The following NAB1 variants were observed in gnomAD, a reference collection of about 807,000 sequenced individuals.
NAB1 encodes the protein NGFI-A binding protein 1.
NAB1 carries 25 observed loss-of-function variants against 49.9 expected under a neutral mutation model. That is an observed-to-expected ratio of 0.50 (90% CI 0.37 to 0.70). The LOEUF is 0.70. NAB1 is among the 30% of genes least tolerant of loss of function. The pLI is 0.00. For missense variants in NAB1, 489 were observed against 575.9 expected, an observed-to-expected ratio of 0.85 and a Z score of 1.54; for synonymous variants, 198 against 215.6, an observed-to-expected ratio of 0.92 and a Z score of 0.71.
rs1039863163 is a variant in NAB1 at position 190,663,881 on chromosome 2, GTTTC to G, written c.819+3890_819+3893del. ...TTCTGACCATGTGTTATTTAAAAGTGTTTCTTTATTTCCAAATATGAGTAATTTT... is the reference window on the plus strand; with the variant it reads ...TTCTGACCATGTGTTATTTAAAAGTGTTTATTTCCAAATATGAGTAATTTT... On this transcript the variant is annotated intron_variant, in intron 4 of 9. Transcript: ENST00000337386. The surrounding 1 kb of genome is among the most constrained non-coding windows in gnomAD (Gnocchi z 4.2). 5.3e-5 allele frequency among the ~76,000 whole-genome samples: 8 copies of G among 152,068 alleles called. No homozygotes were observed. Among genetic ancestry groups the G allele is most frequent in the Admixed American group, 1.3e-4 (2 of 15,290 alleles).
intron 3 of NAB1, among the ~76,000 whole-genome samples, chr2:190,656,449 G>A (rs1693923387): frequency 1.3e-5 from 2 of 152,202 alleles, no homozygotes; most frequent in South Asian, 2.1e-4. Flanking sequence ...AAAAGCTTAG[G>A]AGGAGAACTC....
In NAB1 at chr2:190,675,312, A is replaced by G. The variant is rs1014767475; in HGVS notation, c.1005+2160A>G. On this transcript the variant is annotated intron_variant, in intron 6 of 9. Coordinates refer to ENST00000337386, the MANE Select transcript of NAB1 (RefSeq NM_005966.4). The surrounding 1 kb of genome is among the most constrained non-coding windows in gnomAD (Gnocchi z 5.2). ...TGTCTAGCTTTAGAGGTCACTAAAT[A>G]TTGAAATTTGTGATCATGAATCTCA... Among the ~76,000 whole-genome samples, 1 of 152,228 alleles carries G rather than the reference A, an allele frequency of 6.6e-6. No individual in the cohort carries two copies. Among genetic ancestry groups the G allele is most frequent in the African/African-American group, 2.4e-5 (1 of 41,460 alleles).
rs1326714724 is a variant in NAB1, at chr2:190,667,094, C to A, written c.820-3232C>A. On this transcript the variant is annotated intron_variant, in intron 4 of 9. Transcript: ENST00000337386. This position sits in a 1 kb window ranked among gnomAD's most constrained non-coding sequence, Gnocchi z 4.4. ...ACTTGGGGGTGAGCTAGAGTTACTT[C>A]TCCAGCCTCAGTTTTTTACCAGGTT... Among the ~76,000 whole-genome samples the A allele has an allele frequency of 6.6e-6, 1 of 152,186 alleles. No homozygotes were observed. Among genetic ancestry groups the A allele is most frequent in the East Asian group, 1.9e-4 (1 of 5,198 alleles).
At chr2:190,664,998 C>T (rs950874805) in intron 4 of NAB1, among the ~76,000 whole-genome samples, 4 of 152,032 alleles carry the variant, frequency 2.6e-5, no homozygotes, top group Admixed American at 6.6e-5. Context: ...TTCCTTCTAT[C>T]GAAAGCTCTT....
At chr2:190,688,461 A>G (rs556961536) in intron 9 of NAB1, among the ~76,000 whole-genome samples, 1 of 152,322 alleles carries the variant, frequency 6.6e-6, no homozygotes, top group South Asian at 2.1e-4. Context: ...AATAATGTCA[A>G]AGGGAGGTTG....
At position 190,691,086 on chromosome 2, in the gene NAB1, A is replaced by C. The variant is rs1695919759; in HGVS notation, c.*753A>C. 6.6e-6 allele frequency: 1 copy of C among 152,616 alleles called. No homozygotes were observed. Among genetic ancestry groups the C allele is most frequent in the African/African-American group, 2.4e-5 (1 of 41,472 alleles). The allele number at this position is 152,616 out of a possible 1,614,324, so 9.5% of individuals were successfully genotyped here. ...TATTAATAGCTACTTAAGATGTTTC[A>C]AAGATAGGAAGCTATTGCTTGGACA... On this transcript the variant is annotated 3_prime_UTR_variant, in exon 10 of 10. Transcript: ENST00000337386. This position sits in a 1 kb window ranked among gnomAD's most constrained non-coding sequence, Gnocchi z 4.1.
chr2:190,650,021 A>G (rs1477283236), intron 2 of NAB1, 39 bp downstream of exon 2: 2 of 152,198 alleles, frequency 1.3e-5, no homozygotes, highest in East Asian at 3.8e-4. Context: ...AACACTGAAA[A>G]TACTATCAAA....
intron 5 of NAB1, 140 bp from the exon 6 acceptor site, chr2:190,672,961 G>A (rs1260025854): frequency 1.4e-5 from 10 of 704,220 alleles, no homozygotes; most frequent in Admixed American, 2.8e-5. Flanking sequence ...TTATTTTAAT[G>A]ATCATTATGA....
chr2:190,671,563 T>A (rs1694806523), intron 5 of NAB1, among the ~76,000 whole-genome samples: 1 of 152,058 alleles, frequency 6.6e-6, no homozygotes, highest in South Asian at 2.1e-4. Context: ...TTATACACTA[T>A]TTTCTTTCTG....
chr2:190,665,826 C>T (rs1296623835), intron 4 of NAB1, among the ~76,000 whole-genome samples: 2 of 152,250 alleles, frequency 1.3e-5, no homozygotes, highest in Admixed American at 6.5e-5. Context: ...TCTTTGCATT[C>T]TCCTGGGGGT....
Position 190,659,200 on chromosome 2 carries a change from C to T in NAB1, c.24C>T (p.Thr8=), listed in dbSNP as rs780982109. The change falls in exon 4 of 10, where the codon ACC becomes ACT. Residue 8 remains threonine, a synonymous_variant. Coordinates refer to ENST00000337386, the MANE Select transcript of NAB1 (RefSeq NM_005966.4). This position sits in a 1 kb window ranked among gnomAD's most constrained non-coding sequence, Gnocchi z 6.2. MAAALPR[T]LGELQLYRIL... ...TAATGGCTGCGGCCTTACCCAGGAC[C>T]CTGGGGGAGTTGCAGCTGTATAGAA... is the stretch of plus-strand genomic sequence containing the variant. 9 of 1,613,384 alleles carry T rather than the reference C, an allele frequency of 5.6e-6. No homozygotes were observed. Among genetic ancestry groups the T allele is most frequent in the Non-Finnish European group, 7.6e-6 (9 of 1,179,842 alleles).
At position 190,652,927 on chromosome 2, in the gene NAB1, G is replaced by A. The variant is rs1267132744; in HGVS notation, c.-197+2945G>A. On this transcript the variant is annotated intron_variant, in intron 2 of 9. Transcript: ENST00000337386. This position sits in a 1 kb window ranked among gnomAD's most constrained non-coding sequence, Gnocchi z 4.2. Reference sequence around the variant, plus strand: ...AGCAAGCTTGTCCAACCCGAGGCCTGTGGTTGCATGCAGCCCAGGAGGGCT... The same window carrying A: ...AGCAAGCTTGTCCAACCCGAGGCCTATGGTTGCATGCAGCCCAGGAGGGCT... Among the ~76,000 whole-genome samples, 1 of 152,232 alleles carries A rather than the reference G, an allele frequency of 6.6e-6. No homozygotes were observed. The highest frequency in any genetic ancestry group is 2.4e-5 in the African/African-American group (1 of 41,448).
intron 4 of NAB1, among the ~76,000 whole-genome samples, chr2:190,661,811 T>A (rs1453031007): frequency 6.6e-6 from 1 of 152,222 alleles, no homozygotes; most frequent in Non-Finnish European, 1.5e-5. Flanking sequence ...TTCTTGTTAC[T>A]TGTACTCCAG....
At chr2:190,658,081 G>T (rs989443859) in intron 3 of NAB1, among the ~76,000 whole-genome samples, 1 of 152,204 alleles carries the variant, frequency 6.6e-6, no homozygotes, top group African/African-American at 2.4e-5. Context: ...AAGAGGTCAA[G>T]AAGTACTTTG....
intron 5 of NAB1, among the ~76,000 whole-genome samples, chr2:190,671,373 A>T (rs1694795741): frequency 6.6e-6 from 1 of 152,170 alleles, no homozygotes; most frequent in Non-Finnish European, 1.5e-5. Flanking sequence ...AATTCACAGC[A>T]GTTTCATTTT....
intron 6 of NAB1, among the ~76,000 whole-genome samples, chr2:190,673,666 C>T (rs1694932901): frequency 6.6e-6 from 1 of 152,142 alleles, no homozygotes; most frequent in South Asian, 2.1e-4. Context: ...GCTAACTTTT[C>T]GTTTCTTTAT....
In NAB1 at chr2:190,652,969, A is replaced by G. The variant is rs1388714681; in HGVS notation, c.-197+2987A>G. Among the ~76,000 whole-genome samples, 10 of 152,262 alleles carry G rather than the reference A, an allele frequency of 6.6e-5. No homozygotes were observed. Among genetic ancestry groups the G allele is most frequent in the Admixed American group, 6.5e-4 (10 of 15,292 alleles). ...AGGAGGGCTTTGAATACGGCCCAAC[A>G]CAAATGCATAAACTTTCTTATCAGC... On this transcript the variant is annotated intron_variant, in intron 2 of 9. Coordinates refer to ENST00000337386, the MANE Select transcript of NAB1 (RefSeq NM_005966.4). This position sits in a 1 kb window ranked among gnomAD's most constrained non-coding sequence, Gnocchi z 4.2.
At position 190,657,063 on chromosome 2, in the gene NAB1, T is replaced by C. The variant is rs1187202514; in HGVS notation, c.-20+910T>C. Among the ~76,000 whole-genome samples, 1 of 152,210 alleles carries C rather than the reference T, an allele frequency of 6.6e-6. No homozygotes were observed. Among genetic ancestry groups the C allele is most frequent in the Non-Finnish European group, 1.5e-5 (1 of 68,030 alleles). ...TGTACTTTTTTTTTCTGTATTGCGT[T>C]GAAAGCCTATGGAGGAATTGCACGA... On this transcript the variant is annotated intron_variant, in intron 3 of 9. Transcript: ENST00000337386. This position sits in a 1 kb window ranked among gnomAD's most constrained non-coding sequence, Gnocchi z 4.4.
At chr2:190,660,427 CAGTT>C (rs547094537) in intron 4 of NAB1, among the ~76,000 whole-genome samples, 79 of 152,084 alleles carry the variant, frequency 5.2e-4, no homozygotes, top group South Asian at 2.3e-3. Flanking sequence ...GCATAGAAAA[CAGTT>C]AGATGAATGT....
Sources: gnomAD v4.1 joint callset for allele counts (sites outside exome capture counted in the v4.1 genomes callset) on GRCh38, gnomAD v4.1.1 for gene constraint, Gnocchi (gnomAD v3.1) non-coding constraint, MANE v1.5 for transcripts, NCBI Gene and HGNC (gene_info 2026-07-23, HGNC 2026-07-21) for gene names.